The following GBE1 variants were observed in gnomAD, a reference collection of about 807,000 sequenced individuals.
The protein encoded by GBE1 is 1,4-alpha-glucan branching enzyme 1.
In GBE1, 70 loss-of-function variants were observed where a neutral mutation model predicts 88.8. The ratio of observed to expected loss-of-function variants is 0.79; its 90% CI spans 0.65 to 0.96. GBE1 has a LOEUF of 0.96. Among genes scored for constraint, GBE1 ranks in the 40% least tolerant of loss-of-function variants. GBE1 has a pLI of 0.00. For missense variants in GBE1, 872 were observed against 871.0 expected (o/e 1.00, Z -0.01); for synonymous variants, 284 against 300.1 (o/e 0.95, Z 0.56).
At chr3:81,543,268 G>T (rs1444482985) in intron 12 of GBE1, among the ~76,000 whole-genome samples, 3 of 151,956 alleles carry the variant, frequency 2.0e-5, no homozygotes, top group East Asian at 1.9e-4. Context: ...ATAGAAAGTT[G>T]CATACAACAA....
intron 14 of GBE1, among the ~76,000 whole-genome samples, chr3:81,525,643 C>G (rs537937286): frequency 3.7e-4 from 56 of 152,180 alleles, no homozygotes; most frequent in Admixed American, 3.0e-3. Context: ...TAGAATTCGG[C>G]TGTGAATCCA....
chr3:81,529,003 A>G (rs939150433), intron 14 of GBE1, among the ~76,000 whole-genome samples: 1 of 151,810 alleles, frequency 6.6e-6, no homozygotes, highest in Admixed American at 6.6e-5. Flanking sequence ...TATTGCTGCC[A>G]TTTTGTTTTT....
At chr3:81,510,777 A>G (rs1702715462) in intron 14 of GBE1, among the ~76,000 whole-genome samples, 1 of 152,092 alleles carries the variant, frequency 6.6e-6, no homozygotes, top group Admixed American at 6.6e-5. Flanking sequence ...ACACACATGC[A>G]CGGGGATATT....
intron 14 of GBE1, among the ~76,000 whole-genome samples, chr3:81,505,960 A>T (rs967644051): frequency 7.2e-5 from 11 of 152,140 alleles, no homozygotes; most frequent in Non-Finnish European, 1.6e-4. Context: ...TAAAGCCAAA[A>T]CTATAAAAAC....
intron 1 of GBE1, among the ~76,000 whole-genome samples, chr3:81,735,940 C>T (rs1326034332): frequency 6.6e-6 from 1 of 152,136 alleles, no homozygotes; most frequent in Non-Finnish European, 1.5e-5. Flanking sequence ...GCCACGACCA[C>T]TAAAGGCTGC....
At chr3:81,518,664 T>C (rs1419699691) in intron 14 of GBE1, among the ~76,000 whole-genome samples, 1 of 151,288 alleles carries the variant, frequency 6.6e-6, no homozygotes, top group African/African-American at 2.4e-5. Context: ...CAAAAGGACC[T>C]CTATGTTTAA....
chr3:81,737,342 TTTATA>T (rs1706274505), intron 1 of GBE1, among the ~76,000 whole-genome samples: 1 of 37,100 alleles, frequency 2.7e-5, no homozygotes, highest in Non-Finnish European at 6.1e-5. Flanking sequence ...TTTATATATA[TTTATA>T]TAAATATATA....
At chr3:81,596,587 T>A (rs923632244) in intron 7 of GBE1, among the ~76,000 whole-genome samples, 2 of 151,932 alleles carry the variant, frequency 1.3e-5, no homozygotes, top group Non-Finnish European at 2.9e-5. Flanking sequence ...AGTTATGCTA[T>A]GTTAAATTTT....
At chr3:81,753,462 A>G (rs573168879) in intron 1 of GBE1, among the ~76,000 whole-genome samples, 1 of 152,356 alleles carries the variant, frequency 6.6e-6, no homozygotes, top group East Asian at 1.9e-4. Context: ...TTCAAATAAC[A>G]GCAGTATGAT....
At chr3:81,592,865 T>G (rs1703898644) in intron 8 of GBE1, among the ~76,000 whole-genome samples, 1 of 152,122 alleles carries the variant, frequency 6.6e-6, no homozygotes, top group Non-Finnish European at 1.5e-5. Context: ...ATCAATAAAA[T>G]CTGTTGTGTT....
intron 1 of GBE1, among the ~76,000 whole-genome samples, chr3:81,739,538 T>G (rs1464130666): frequency 1.3e-5 from 2 of 152,152 alleles, no homozygotes; most frequent in Non-Finnish European, 1.5e-5. Flanking sequence ...GACAACATAT[T>G]GCCTGGCAAA....
rs886038263 is a variant in GBE1 at position 81,646,465 on chromosome 3, A to G, written c.709T>C (p.Leu237=). Residue 237 remains leucine (L), a synonymous_variant, in exon 6 of 16, where the codon TTG becomes CTG. Transcript: ENST00000429644. Reference sequence around the variant, plus strand: ...TAAGCATGCTCCATGATTGCCATCAACTGAATGCAGTTGTATCCTATATAA... The same window carrying G: ...TAAGCATGCTCCATGATTGCCATCAGCTGAATGCAGTTGTATCCTATATAA... ...IKGLGYNCIQ[L]MAIMEHAYYA... The G allele has an allele frequency of 1.1e-5, 17 of 1,599,842 alleles. No individual in the cohort carries two copies. The highest frequency in any genetic ancestry group is 1.4e-5 in the Non-Finnish European group (16 of 1,171,602).
At position 81,750,593 on chromosome 3, in the gene GBE1, A is replaced by ATG. The variant is rs1159259507; in HGVS notation, c.143+10781_143+10782insCA. Among the ~76,000 whole-genome samples, 45 of 60,440 alleles carry ATG rather than the reference A, an allele frequency of 7.4e-4. 1 individual carries two copies. Among genetic ancestry groups the ATG allele is most frequent in the East Asian group, 2.2e-3 (2 of 912 alleles). 39.7% of individuals were successfully genotyped at this position (60,440 alleles called of 152,430 possible). On this transcript the variant is annotated intron_variant, in intron 1 of 15. Coordinates refer to ENST00000429644, the MANE Select transcript of GBE1 (RefSeq NM_000158.4). ...TATATATACGTATATATATACGTAT[A>ATG]TATATATGTGTATATATATATATGT... is the stretch of plus-strand genomic sequence containing the variant.
At chr3:81,627,779 T>C (rs1395523625) in intron 7 of GBE1, among the ~76,000 whole-genome samples, 2 of 150,030 alleles carry the variant, frequency 1.3e-5, no homozygotes, top group African/African-American at 4.9e-5. Context: ...AAAACATATA[T>C]ATTTGTTGTT....
In GBE1 at chr3:81,750,551, G is replaced by GTATATATATATATGTA. The variant is rs770974468; in HGVS notation, c.143+10823_143+10824insTACATATATATATATA. Reference sequence around the variant, plus strand: ...TATATATATATACGTATATATATATGTATATATATATGTATATATATATAC... The same window carrying GTATATATATATATGTA: ...TATATATATATACGTATATATATATGTATATATATATATGTATATATATATATGTATATATATATAC... On this transcript the variant is annotated intron_variant, in intron 1 of 15. Coordinates refer to ENST00000429644, the MANE Select transcript of GBE1 (RefSeq NM_000158.4). Among the ~76,000 whole-genome samples, 34 of 52,322 alleles carry GTATATATATATATGTA rather than the reference G, an allele frequency of 6.5e-4. 1 individual carries two copies. The East Asian group carries it at 9.0e-3, about 14-fold the overall frequency. The allele number at this position is 52,322 out of a possible 152,430, so 34.3% of individuals were successfully genotyped here.
At chr3:81,694,003 A>G (rs1441390552) in intron 2 of GBE1, among the ~76,000 whole-genome samples, 1 of 152,232 alleles carries the variant, frequency 6.6e-6, no homozygotes, top group Non-Finnish European at 1.5e-5. Flanking sequence ...ATTGCTACAA[A>G]GTTAATTGCT....
At chr3:81,613,241 C>G (rs1369234968) in intron 7 of GBE1, among the ~76,000 whole-genome samples, 1 of 150,674 alleles carries the variant, frequency 6.6e-6, no homozygotes, top group Non-Finnish European at 1.5e-5. Context: ...GGAGAAAATA[C>G]CTTGAGCAGA....
chr3:81,670,275 G>T (rs1705171554), intron 3 of GBE1, among the ~76,000 whole-genome samples: 2 of 152,268 alleles, frequency 1.3e-5, no homozygotes, highest in Non-Finnish European at 1.5e-5. Context: ...GAGTGTGGAG[G>T]ACGCTCAGCC....
chr3:81,562,619 C>G (rs1235491796), intron 12 of GBE1, among the ~76,000 whole-genome samples: 1 of 151,942 alleles, frequency 6.6e-6, no homozygotes, highest in Non-Finnish European at 1.5e-5. Context: ...CAGTGCACTG[C>G]CTTGCTCTGA....
Sources: gnomAD v4.1 joint callset for allele counts (sites outside exome capture counted in the v4.1 genomes callset) on GRCh38, gnomAD v4.1.1 for gene constraint, MANE v1.5 for transcripts, NCBI Gene and HGNC (gene_info 2026-07-23, HGNC 2026-07-21) for gene names.